Variants in MAGI3 observed in about 807,000 individuals in gnomAD.
The protein encoded by MAGI3 is membrane-associated guanylate kinase, WW and PDZ domain-containing protein 3.
In MAGI3, 43 loss-of-function variants were observed where a neutral mutation model predicts 121.8. The observed-to-expected ratio is 0.35, with a 90% CI of 0.28 to 0.46. The LOEUF is 0.46. Among genes scored for constraint, MAGI3 ranks in the 20% least tolerant of loss-of-function variants. The pLI is 1.00. For synonymous variants in MAGI3, 553 were observed against 639.3 expected (o/e 0.86, Z 2.04); for missense variants, 1,547 against 1,797.3 (o/e 0.86, Z 2.52).
At chr1:113,420,669 G>A (rs1348530191) in intron 1 of MAGI3, among the ~76,000 whole-genome samples, 2 of 152,162 alleles carry the variant, frequency 1.3e-5, no homozygotes, top group African/African-American at 4.8e-5. Context: ...AATTTAACAG[G>A]CCTATGTGAA....
chr1:113,536,834 T>C (rs1659032082), intron 1 of MAGI3, among the ~76,000 whole-genome samples: 1 of 152,200 alleles, frequency 6.6e-6, no homozygotes, highest in African/African-American at 2.4e-5. Context: ...ACTCTTCATA[T>C]ATATGGGTTT....
intron 1 of MAGI3, among the ~76,000 whole-genome samples, chr1:113,441,718 G>A (rs1395157953): frequency 1.3e-5 from 2 of 152,112 alleles, no homozygotes; most frequent in Non-Finnish European, 2.9e-5. Context: ...CCAGTAAAAA[G>A]GCAGAAGCTA....
chr1:113,417,156 A>G (rs1652493203), intron 1 of MAGI3, among the ~76,000 whole-genome samples: 1 of 152,028 alleles, frequency 6.6e-6, no homozygotes, highest in African/African-American at 2.4e-5. Context: ...TATTTTAGGC[A>G]TATGGTTATA....
At chr1:113,473,465 T>G (rs973716643) in intron 1 of MAGI3, among the ~76,000 whole-genome samples, 1 of 136,562 alleles carries the variant, frequency 7.3e-6, no homozygotes, top group African/African-American at 2.7e-5. Flanking sequence ...CTGCCCTGTG[T>G]CCAAGTGATC....
intron 6 of MAGI3, among the ~76,000 whole-genome samples, chr1:113,595,946 G>A (rs1217229): frequency 0.39 from 59,287 of 151,916 alleles, 13,343 homozygotes; most frequent in African/African-American, 0.61. Context: ...TGAGAAGATC[G>A]CTTGAGTCCA....
intron 14 of MAGI3, among the ~76,000 whole-genome samples, 169 bp from the exon 15 acceptor site, chr1:113,653,661 G>A (rs1366585053): frequency 2.6e-5 from 4 of 152,072 alleles, no homozygotes; most frequent in African/African-American, 9.7e-5. Flanking sequence ...GACTGCTGTT[G>A]CCTACATCTG....
At chr1:113,511,022 A>G (rs1570777528) in intron 1 of MAGI3, among the ~76,000 whole-genome samples, 1 of 152,344 alleles carries the variant, frequency 6.6e-6, no homozygotes, top group African/African-American at 2.4e-5. Flanking sequence ...AAAAGCATGA[A>G]CTAGCCAATA....
intron 1 of MAGI3, among the ~76,000 whole-genome samples, chr1:113,429,570 G>A (rs997420609): frequency 6.6e-6 from 1 of 152,164 alleles, no homozygotes; most frequent in African/African-American, 2.4e-5. Flanking sequence ...ACCAATCAGA[G>A]GCTGAAGTGA....
At chr1:113,635,501 T>A (rs1209552055) in intron 9 of MAGI3, among the ~76,000 whole-genome samples, 2 of 152,226 alleles carry the variant, frequency 1.3e-5, no homozygotes, top group African/African-American at 4.8e-5. Context: ...TTTTTGTCTT[T>A]GGTTCTGTTT....
chr1:113,577,432 G>A lies in MAGI3; in HGVS notation c.434-3110G>A, dbSNP rs147237468. Among the ~76,000 whole-genome samples the A allele has an allele frequency of 5.0e-3, 767 of 152,066 alleles. 4 individuals carry two copies. The highest frequency in any genetic ancestry group is 0.018 in the African/African-American group (740 of 41,476). On this transcript the variant is annotated intron_variant, in intron 2 of 20. Transcript: ENST00000307546. ...TGTGTATGGCTCCAAAGAACTCTTC[G>A]GAGCAATTTTTATGTATAAAGGAGA... is the stretch of plus-strand genomic sequence containing the variant.
At chr1:113,594,647 C>G (rs1320939914) in intron 6 of MAGI3, 87 bp downstream of exon 6, 3 of 1,088,804 alleles carry the variant, frequency 2.8e-6, no homozygotes, top group Middle Eastern at 2.1e-4. Flanking sequence ...TTTCAAAACC[C>G]TAAACAAACC....
chr1:113,510,778 C>T (rs1384724229), intron 1 of MAGI3, among the ~76,000 whole-genome samples: 3 of 152,180 alleles, frequency 2.0e-5, no homozygotes, highest in Non-Finnish European at 4.4e-5. Flanking sequence ...TGATCCTCCT[C>T]TAACCACCAT....
At position 113,449,047 on chromosome 1, in the gene MAGI3, G is replaced by A. The variant is rs546202353; in HGVS notation, c.316+57698G>A. On this transcript the variant is annotated intron_variant, in intron 1 of 20. Coordinates refer to ENST00000307546, the MANE Select transcript of MAGI3 (RefSeq NM_001142782.2). ...GCAGGGAAATTGCTTGAACCTGGGA[G>A]GCAGAGGTTGTGGTGAGCCGAGATC... 2.0e-5 allele frequency among the ~76,000 whole-genome samples: 3 copies of A among 151,998 alleles called. No individual in the cohort carries two copies. In the South Asian group the frequency reaches 6.2e-4, roughly 32 times the overall value.
chr1:113,390,721 T>C lies in MAGI3; in HGVS notation c.-313T>C, dbSNP rs1408611448. The C allele has an allele frequency of 6.2e-6, 1 of 161,344 alleles. No individual in the cohort carries two copies. The highest frequency in any genetic ancestry group is 1.4e-5 in the Non-Finnish European group (1 of 73,822). The allele number at this position is 161,344 out of a possible 1,614,324, so 10.0% of individuals were successfully genotyped here. A position where few individuals can be genotyped will look rare whatever the true frequency, so the allele number is the denominator to read the frequency against. ...GAGCCCAGGGACCAGCCGGCGGCAG[T>C]GACCCCGCCCGAAGCCCCTTCTGGA... On this transcript the variant is annotated 5_prime_UTR_variant, in exon 1 of 21. Transcript: ENST00000307546.
intron 6 of MAGI3, among the ~76,000 whole-genome samples, chr1:113,600,088 A>G (rs1649271907): frequency 6.6e-6 from 1 of 152,226 alleles, no homozygotes; most frequent in African/African-American, 2.4e-5. Context: ...AATAAGAGCT[A>G]TCTATGACAA....
At chr1:113,597,826 T>C (rs1001424139) in intron 6 of MAGI3, among the ~76,000 whole-genome samples, 3 of 152,192 alleles carry the variant, frequency 2.0e-5, no homozygotes, top group Non-Finnish European at 4.4e-5. Flanking sequence ...AATTTGACAT[T>C]ACCAGATCAG....
At chr1:113,496,135 G>A (rs1656906521) in intron 1 of MAGI3, among the ~76,000 whole-genome samples, 1 of 151,830 alleles carries the variant, frequency 6.6e-6, no homozygotes, top group Non-Finnish European at 1.5e-5. Context: ...CTTCTTTTTT[G>A]CTTGTTGCTA....
At chr1:113,504,369 T>C (rs186177694) in intron 1 of MAGI3, among the ~76,000 whole-genome samples, 1 of 152,226 alleles carries the variant, frequency 6.6e-6, no homozygotes, top group African/African-American at 2.4e-5. Context: ...ATAATTTGTT[T>C]AGAAGATAAC....
intron 5 of MAGI3, among the ~76,000 whole-genome samples, chr1:113,593,127 A>T (rs777954952): frequency 5.9e-5 from 9 of 152,254 alleles, no homozygotes; most frequent in Non-Finnish European, 7.3e-5. Flanking sequence ...GATATAGAAG[A>T]TGTGAGTAAT....
Sources: allele counts gnomAD v4.1 joint callset (sites outside exome capture counted in the v4.1 genomes callset), GRCh38; gene constraint gnomAD v4.1.1; transcripts MANE v1.5; gene names NCBI Gene and HGNC (gene_info 2026-07-23, HGNC 2026-07-21).